Variants in NOL6 observed in about 807,000 individuals in gnomAD.
NOL6 encodes nucleolar RNA-associated protein.
Under a neutral mutation model 131.7 loss-of-function variants are expected in NOL6, and 33 were observed. The observed-to-expected ratio is 0.25, with a 90% CI of 0.19 to 0.33. The LOEUF (loss-of-function observed/expected upper bound fraction) is 0.33. Ranked by LOEUF, NOL6 falls within the 10% of genes least tolerant of loss-of-function variation. The pLI, the probability that NOL6 is intolerant of heterozygous loss-of-function variation, is 1.00. For missense variants in NOL6, 1,297 were observed against 1,494.5 expected, an observed-to-expected ratio of 0.87 and a Z score of 2.18; for synonymous variants, 580 against 605.7, an observed-to-expected ratio of 0.96 and a Z score of 0.62.
rs1457585868 is a variant in NOL6, at chr9:33,467,134, C to A, written c.1854G>T (p.Val618=). Residue 618 remains valine, a synonymous_variant, in exon 14 of 26, where the codon GTG becomes GTT. Coordinates refer to ENST00000297990, the MANE Select transcript of NOL6 (RefSeq NM_022917.5). The surrounding 1 kb of genome is among the most constrained non-coding windows in gnomAD (Gnocchi z 4.4). The part of the protein sequence containing the change: ...MSQKRLIPHQ[V]VTHLLALHAD... ...CTCACAGTGCCAAGAGGTGGGTGAC[C>A]ACCTGGTGGGGAATAAGGCGCTTCT... 1 of 1,614,078 alleles carries A rather than the reference C, an allele frequency of 6.2e-7. No individual in the cohort carries two copies. Among genetic ancestry groups the A allele is most frequent in the African/African-American group, 1.3e-5 (1 of 74,948 alleles).
intron 20 of NOL6, 85 bp from the exon 21 acceptor site, chr9:33,465,061 G>A (rs1827201861): frequency 6.9e-7 from 1 of 1,441,936 alleles, no homozygotes; most frequent in Non-Finnish European, 9.6e-7. Context: ...AGACCCCCTG[G>A]TGTGGATTGG....
intron 2 of NOL6, 35 bp downstream of exon 2, chr9:33,472,171 C>T (rs746018582): frequency 1.2e-6 from 2 of 1,613,130 alleles, no homozygotes; most frequent in African/African-American, 1.3e-5. Flanking sequence ...CCCAGGTACA[C>T]ACCTCGAACA....
rs1827275558 is a variant in NOL6, at chr9:33,467,345, G to A, written c.1725+49C>T. The A allele has an allele frequency of 3.7e-6, 6 of 1,610,150 alleles. No homozygotes were observed. The South Asian group carries it at 4.4e-5, about 12-fold the overall frequency. On this transcript the variant is annotated intron_variant, in intron 13 of 25. Coordinates refer to ENST00000297990, the MANE Select transcript of NOL6 (RefSeq NM_022917.5). This position sits in a 1 kb window ranked among gnomAD's most constrained non-coding sequence, Gnocchi z 4.4. ...CAACAAGCTTCAGTCCAGGTGCCAT[G>A]AGGACGAGCCACCCCATTCCTTCCA...
chr9:33,467,626 G>A lies in NOL6; in HGVS notation c.1602+65C>T. On this transcript the variant is annotated intron_variant, in intron 12 of 25. Coordinates refer to ENST00000297990, the MANE Select transcript of NOL6 (RefSeq NM_022917.5). The surrounding 1 kb of genome is among the most constrained non-coding windows in gnomAD (Gnocchi z 4.4). The stretch of plus-strand genomic sequence containing the variant: ...TAGCTGGAGGAATGGTGTGTCCTTT[G>A]TGTCTCTTGGGACCCTGGATCCAGC... 6.4e-7 allele frequency: 1 copy of A among 1,558,032 alleles called. No individual in the cohort carries two copies. Among genetic ancestry groups the A allele is most frequent in the Non-Finnish European group, 8.7e-7 (1 of 1,150,442 alleles).
At chr9:33,466,269 G>A (rs370217280) in intron 17 of NOL6, 39 bp downstream of exon 17, 2 of 1,613,118 alleles carry the variant, frequency 1.2e-6, no homozygotes, top group African/African-American at 2.7e-5. Context: ...GCCTGGAGCT[G>A]GAACTATCCC....
In NOL6 at chr9:33,467,293, G is replaced by A; in HGVS notation, c.1726-31C>T. On this transcript the variant is annotated intron_variant, in intron 13 of 25. Coordinates refer to ENST00000297990, the MANE Select transcript of NOL6 (RefSeq NM_022917.5). This position sits in a 1 kb window ranked among gnomAD's most constrained non-coding sequence, Gnocchi z 4.4. ...GAGGCAAGGGTGGTAGTAGAGCTGG[G>A]GAAGGAAGGGCTCTGTGGACCCTCC... 1 of 1,612,310 alleles carries A rather than the reference G, an allele frequency of 6.2e-7. No homozygotes were observed. The highest frequency in any genetic ancestry group is 1.1e-5 in the South Asian group (1 of 91,048).
chr9:33,463,547 C>G (rs901054747), intron 23 of NOL6, 106 bp from the exon 24 acceptor site: 5 of 1,008,768 alleles, frequency 5.0e-6, no homozygotes, highest in African/African-American at 4.8e-5. Context: ...ATCTGACCAC[C>G]CTCTATGGGC....
chr9:33,464,145 C>G lies in NOL6; in HGVS notation c.2796G>C (p.Glu932Asp). The change falls in exon 22 of 26, where the codon GAG (glutamate) becomes GAC (aspartate). Residue 932 changes from glutamate to aspartate, a missense_variant. By Grantham distance (45) the Glu-to-Asp change is conservative. Transcript: ENST00000297990. ...GAGCTGCCAGGAAGCCACTGCGGAT[C>G]TCCACCTGCTCCTCCACTAGAGACA... ...NNELTVEEQVEIRSGFLAARA... is the reference protein window; with the variant it reads ...NNELTVEEQVDIRSGFLAARA... The G allele has an allele frequency of 6.2e-7, 1 of 1,609,802 alleles. No homozygotes were observed. The highest frequency in any genetic ancestry group is 8.5e-7 in the Non-Finnish European group (1 of 1,177,898).
At chr9:33,470,307 C>T in intron 3 of NOL6, 116 bp from the exon 4 acceptor site, 1 of 927,774 alleles carries the variant, frequency 1.1e-6, no homozygotes, top group South Asian at 2.5e-5. Context: ...TCCCAATCTT[C>T]CCATAACTAT....
At position 33,472,249 on chromosome 9, in the gene NOL6, C is replaced by G; in HGVS notation, c.218G>C (p.Arg73Pro). ...GGAGTGGAACAAGATCTCAGTCTCC[C>G]GAAGGCGATTAAGCTCCTCATTGGT... ...EPTNEELNRL[R>P]ETEILFHSSL... The change falls in exon 2 of 26, where the codon CGG becomes CCG. Residue 73 changes from arginine to proline, a missense_variant. Physicochemically the swap from Arg to Pro is moderately radical, Grantham distance 103. Transcript: ENST00000297990. 6.2e-7 allele frequency: 1 copy of G among 1,614,164 alleles called. No individual in the cohort carries two copies. Among genetic ancestry groups the G allele is most frequent in the Non-Finnish European group, 8.5e-7 (1 of 1,180,032 alleles).
intron 21 of NOL6, 60 bp downstream of exon 21, chr9:33,464,819 T>C (rs1827195312): frequency 2.4e-6 from 3 of 1,265,942 alleles, no homozygotes; most frequent in Non-Finnish European, 3.4e-6. Context: ...AGGGAAACCC[T>C]TGCCTGCAAT....
At chr9:33,463,546 C>T in intron 23 of NOL6, 105 bp from the exon 24 acceptor site, 1 of 1,057,222 alleles carries the variant, frequency 9.5e-7, no homozygotes, top group South Asian at 1.6e-5. Context: ...CATCTGACCA[C>T]CCTCTATGGG....
At chr9:33,463,505 T>C in intron 23 of NOL6, 64 bp from the exon 24 acceptor site, 1 of 1,425,698 alleles carries the variant, frequency 7.0e-7, no homozygotes, top group Non-Finnish European at 9.5e-7. Flanking sequence ...ACCACAAACC[T>C]CTCCACACGC....
intron 5 of NOL6, 68 bp from the exon 6 acceptor site, chr9:33,469,409 C>T (rs1827346079): frequency 1.9e-6 from 3 of 1,608,760 alleles, no homozygotes; most frequent in South Asian, 2.2e-5. Flanking sequence ...CCATCCTGTC[C>T]CCCCATACTT....
chr9:33,467,196 G>A lies in NOL6; in HGVS notation c.1792C>T (p.Arg598Trp), dbSNP rs758772676. ...GCTGCCTCCCAGACCACAGCTTCCC[G>A]AATGGCTCCGTCCTGGAAACGCCGA... ...ELRRFQDGAI[R>W]EAVVWEAASM... Residue 598 changes from arginine (R) to tryptophan (W), a missense_variant, in exon 14 of 26, where the codon CGG becomes TGG. Transcript: ENST00000297990. This position sits in a 1 kb window ranked among gnomAD's most constrained non-coding sequence, Gnocchi z 4.4. 23 of 1,614,044 alleles carry A rather than the reference G, an allele frequency of 1.4e-5. No individual in the cohort carries two copies. The highest frequency in any genetic ancestry group is 3.3e-5 in the South Asian group (3 of 91,082).
chr9:33,462,048 T>C lies in NOL6; in HGVS notation c.*616A>G, dbSNP rs1412954011. The C allele has an allele frequency of 1.4e-6, 1 of 694,574 alleles. No individual in the cohort carries two copies. The highest frequency in any genetic ancestry group is 2.0e-5 in the Admixed American group (1 of 49,344). 43.0% of individuals were successfully genotyped at this position (694,574 alleles called of 1,614,324 possible). A position where few individuals can be genotyped will look rare whatever the true frequency, so the allele number is the denominator to read the frequency against. ...CTGACCCCTTCACCTACCCAATCCT[T>C]TCCTGTCCTCGGTTCTTTTCCACTG... is the stretch of plus-strand genomic sequence containing the variant. On this transcript the variant is annotated 3_prime_UTR_variant, in exon 26 of 26. Coordinates refer to ENST00000297990, the MANE Select transcript of NOL6 (RefSeq NM_022917.5).
chr9:33,463,099 G>A lies in NOL6; in HGVS notation c.3225C>T (p.Asp1075=). 6.2e-7 allele frequency: 1 copy of A among 1,613,902 alleles called. No homozygotes were observed. Residue 1075 remains aspartate (D), a synonymous_variant, in exon 25 of 26, where the codon GAC becomes GAT. Coordinates refer to ENST00000297990, the MANE Select transcript of NOL6 (RefSeq NM_022917.5). ...AFGDLALFFY[D]QHGGEVIGVL... is the part of the protein sequence containing the mutation. Reference sequence around the variant, plus strand: ...CACCAATCACCTCTCCACCATGCTGGTCATAGAAGAAAAGGGCCAGATCCC... The same window carrying A: ...CACCAATCACCTCTCCACCATGCTGATCATAGAAGAAAAGGGCCAGATCCC...
intron 22 of NOL6, 57 bp downstream of exon 22, chr9:33,463,980 G>A: frequency 6.2e-7 from 1 of 1,613,194 alleles, no homozygotes; most frequent in South Asian, 1.1e-5. Flanking sequence ...GTCAGGCTGG[G>A]CCTGCTTTTT....
In NOL6 at chr9:33,463,459, G is replaced by A. The variant is rs754078191; in HGVS notation, c.2995-18C>T. The A allele has an allele frequency of 1.9e-6, 3 of 1,595,648 alleles. No homozygotes were observed. The South Asian group carries it at 3.4e-5, about 18-fold the overall frequency. On this transcript the variant is annotated intron_variant, in intron 23 of 25. Transcript: ENST00000297990. The stretch of plus-strand genomic sequence containing the variant: ...AACACTGTCTAAGGAAGGGGAGAAG[G>A]AGGGGTCAGCAGGACCCCCTTGACT...
Sources: allele counts gnomAD v4.1 joint callset, GRCh38; gene constraint gnomAD v4.1.1; non-coding constraint Gnocchi (gnomAD v3.1); transcripts MANE v1.5; gene names NCBI Gene and HGNC (gene_info 2026-07-23, HGNC 2026-07-21).